ESYT2: variants seen among roughly 807,000 people sequenced by gnomAD.
The protein encoded by ESYT2 is extended synaptotagmin 2.
ESYT2 carries 54 observed loss-of-function variants against 107.2 expected under a neutral mutation model. The ratio of observed to expected loss-of-function variants is 0.50; its 90% confidence interval spans 0.40 to 0.63. The LOEUF is 0.63. ESYT2 is among the 30% of genes least tolerant of loss of function. ESYT2 has a pLI of 0.00. For missense variants in ESYT2, 1,020 were observed against 1,094.5 expected (o/e 0.93, Z 0.96); for synonymous variants, 491 against 434.1 (o/e 1.13, Z -1.63).
At chr7:158,813,053 G>C (rs1840034886) in intron 1 of ESYT2, among the ~76,000 whole-genome samples, 1 of 152,144 alleles carries the variant, frequency 6.6e-6, no homozygotes. Context: ...ACTGAATTGT[G>C]TCCTTTAAAA....
chr7:158,771,786 C>T (rs886842233), intron 7 of ESYT2, among the ~76,000 whole-genome samples: 6 of 152,116 alleles, frequency 3.9e-5, no homozygotes, highest in Admixed American at 6.5e-5. Context: ...AGGCAGTGGG[C>T]GCCCATTGTT....
rs778679256 is a variant in ESYT2, at chr7:158,767,726, C to T, written c.852G>A (p.Val284=). The part of the protein sequence containing the change: ...IILDIISNYL[V]LPNRITVPLV... The stretch of plus-strand genomic sequence containing the variant: ...GTGGAACGGTGATTCGATTGGGAAG[C>T]ACCAGATAGTTTGATATTATATCCA... The change falls in exon 8 of 23, where the codon GTG becomes GTA. Residue 284 remains valine, a synonymous_variant. Transcript: ENST00000275418. 1.2e-6 allele frequency: 2 copies of T among 1,613,162 alleles called. No homozygotes were observed. Among genetic ancestry groups the T allele is most frequent in the South Asian group, 2.2e-5 (2 of 90,828 alleles).
chr7:158,737,435 A>G (rs1008759284), intron 19 of ESYT2, among the ~76,000 whole-genome samples: 3 of 152,118 alleles, frequency 2.0e-5, no homozygotes. Flanking sequence ...AGGACGTTCC[A>G]AGTCCTTGGT....
chr7:158,760,536 T>A (rs1837924261), intron 11 of ESYT2, among the ~76,000 whole-genome samples: 1 of 152,234 alleles, frequency 6.6e-6, no homozygotes, highest in African/African-American at 2.4e-5. Flanking sequence ...GGTCTTGCTG[T>A]GTTGCCCAGG....
chr7:158,735,527 G>C lies in ESYT2; in HGVS notation c.2481C>G (p.Ser827=). The C allele has an allele frequency of 1.2e-6, 2 of 1,614,104 alleles. No individual in the cohort carries two copies. Among genetic ancestry groups the C allele is most frequent in the Non-Finnish European group, 1.7e-6 (2 of 1,179,966 alleles). ...CTTTGCCAAGGAGCCCTTTGTCTTT[G>C]GACAGGAAGCCGCCACTGTTCTTCA... ...VAVKNSGGFL[S]KDKGLLGKVL... The change falls in exon 21 of 23, where the codon TCC becomes TCG. Residue 827 remains serine, a synonymous_variant. Transcript: ENST00000275418.
chr7:158,790,794 G>T (rs934523249), intron 4 of ESYT2, among the ~76,000 whole-genome samples: 2 of 152,124 alleles, frequency 1.3e-5, no homozygotes, highest in African/African-American at 4.8e-5. Context: ...CAGGCATGGT[G>T]GCATGTGCCT....
Position 158,798,053 on chromosome 7 carries a change from G to C in ESYT2, c.396C>G (p.Phe132Leu). The change falls in exon 3 of 23, where the codon TTC becomes TTG. Residue 132 changes from phenylalanine (F) to leucine (L), a missense_variant. Physicochemically the swap from Phe to Leu is conservative, Grantham distance 22 (BLOSUM62 0). Transcript: ENST00000275418. Reference protein sequence around the residue: ...LNKTVKHMWPFICQFIEKLFR... With the variant: ...LNKTVKHMWPLICQFIEKLFR... ...ACAACTTCTCTATAAATTGGCAAAT[G>C]AAAGGCCACATGTGTTTTACAGTCT... is the stretch of plus-strand genomic sequence containing the variant. The C allele has an allele frequency of 6.2e-7, 1 of 1,614,124 alleles. No individual in the cohort carries two copies. Among genetic ancestry groups the C allele is most frequent in the Non-Finnish European group, 8.5e-7 (1 of 1,180,016 alleles).
chr7:158,767,802 A>C (rs1399790778), intron 7 of ESYT2, 28 bp from the exon 8 acceptor site: 3 of 1,598,820 alleles, frequency 1.9e-6, no homozygotes, highest in Non-Finnish European at 2.6e-6. Flanking sequence ...AAAAGAGCAA[A>C]CGGACTATCA....
At position 158,775,514 on chromosome 7, in the gene ESYT2, T is replaced by G. The variant is rs548253874; in HGVS notation, c.748-2118A>C. ...CGCTTATTGTCATTTCAACAATGTT[T>G]GCAGCATCTTCACTAGGAGTAGATT... On this transcript the variant is annotated intron_variant, in intron 6 of 22. Coordinates refer to ENST00000275418, the MANE Select transcript of ESYT2 (RefSeq NM_001367773.1). Among the ~76,000 whole-genome samples the G allele has an allele frequency of 2.6e-5, 4 of 152,362 alleles. No homozygotes were observed. In the East Asian group the frequency reaches 7.7e-4, roughly 29 times the overall value.
intron 21 of ESYT2, 72 bp from the exon 22 acceptor site, chr7:158,734,543 C>T (rs1836850969): frequency 7.2e-7 from 1 of 1,388,580 alleles, no homozygotes; most frequent in South Asian, 1.3e-5. Context: ...AATCCCAGCA[C>T]TTTGGGAGGC....
chr7:158,813,784 C>T (rs1191678373), intron 1 of ESYT2, among the ~76,000 whole-genome samples: 3 of 151,868 alleles, frequency 2.0e-5, no homozygotes, highest in African/African-American at 2.4e-5. Flanking sequence ...TAAAAATATA[C>T]GTTCCTCGTC....
chr7:158,742,930 G>A (rs956390918), intron 17 of ESYT2, among the ~76,000 whole-genome samples: 4 of 152,182 alleles, frequency 2.6e-5, no homozygotes, highest in African/African-American at 7.2e-5. Context: ...CAAGGAGGCT[G>A]TTCCCATTGC....
rs111880254 is a variant in ESYT2 at position 158,804,713 on chromosome 7, G to A, written c.331-5641C>T. ...CAAGGGTGAGGCGCGTGACAAACCCGAACTGCTGAGAAAAGTGAGGCGCTT... is the reference window on the plus strand; with the variant it reads ...CAAGGGTGAGGCGCGTGACAAACCCAAACTGCTGAGAAAAGTGAGGCGCTT... On this transcript the variant is annotated intron_variant, in intron 1 of 22. Transcript: ENST00000275418. Among the ~76,000 whole-genome samples the A allele has an allele frequency of 5.2e-4, 63 of 121,746 alleles. No individual in the cohort carries two copies. In the East Asian group the frequency reaches 0.011, roughly 21 times the overall value. 79.9% of individuals were successfully genotyped at this position (121,746 alleles called of 152,430 possible).
At chr7:158,771,503 C>A (rs1392883900) in intron 7 of ESYT2, among the ~76,000 whole-genome samples, 1 of 152,216 alleles carries the variant, frequency 6.6e-6, no homozygotes, top group East Asian at 1.9e-4. Flanking sequence ...GTGGCCCTTG[C>A]ACACACAAGT....
intron 8 of ESYT2, 41 bp from the exon 9 acceptor site, chr7:158,764,894 C>A (rs376522973): frequency 6.3e-7 from 1 of 1,593,228 alleles, no homozygotes; most frequent in Non-Finnish European, 8.6e-7. Flanking sequence ...CCTTGGCTGG[C>A]TTGTTTAACT....
At chr7:158,760,002 C>T (rs2129472094) in intron 12 of ESYT2, 56 bp downstream of exon 12, 3 of 1,512,372 alleles carry the variant, frequency 2.0e-6, no homozygotes, top group South Asian at 2.3e-5. Context: ...AGACCAAGCT[C>T]AGTTATGAGG....
At chr7:158,753,346 G>C (rs952558696) in intron 13 of ESYT2, among the ~76,000 whole-genome samples, 1 of 152,142 alleles carries the variant, frequency 6.6e-6, no homozygotes, top group East Asian at 1.9e-4. Context: ...TCTGCTCCTC[G>C]TCCTTTTCCG....
At chr7:158,748,164 T>G (rs774725000) in intron 16 of ESYT2, 30 bp downstream of exon 16, 1 of 1,598,640 alleles carries the variant, frequency 6.3e-7, no homozygotes, top group South Asian at 1.1e-5. Flanking sequence ...TATTTGTCAA[T>G]AAATTGGTTA....
intron 8 of ESYT2, among the ~76,000 whole-genome samples, chr7:158,765,260 T>A (rs182629832): frequency 6.6e-6 from 1 of 152,188 alleles, no homozygotes; most frequent in Non-Finnish European, 1.5e-5. Context: ...CCAGCTGTAC[T>A]AGATCCTGGT....
Sources: gnomAD v4.1 joint callset for allele counts (sites outside exome capture counted in the v4.1 genomes callset) on GRCh38, gnomAD v4.1.1 for gene constraint, MANE v1.5 for transcripts, NCBI Gene and HGNC (gene_info 2026-07-23, HGNC 2026-07-21) for gene names.